The following NHSL2 variants were observed in gnomAD, a reference collection of about 807,000 sequenced individuals.
NHSL2 encodes the protein NHS-like protein 2.
A neutral mutation model predicts 53.4 loss-of-function variants in NHSL2; 27 were observed. The ratio of observed to expected loss-of-function variants is 0.51; its 90% CI spans 0.37 to 0.70. The LOEUF is 0.70. NHSL2 is among the 30% of genes least tolerant of loss of function. The pLI, the probability that NHSL2 is intolerant of heterozygous loss-of-function variation, is 0.00. For missense variants in NHSL2, 892 were observed against 980.1 expected (o/e 0.91, Z 1.20); for synonymous variants, 408 against 404.1 (o/e 1.01, Z -0.12).
chrX:71,917,255 C>CT, intron 1 of NHSL2, among the ~76,000 whole-genome samples: 1 of 64,791 alleles, frequency 1.5e-5, no homozygotes, highest in African/African-American at 6.3e-5. Context: ...TCCTCTCTCC[C>CT]TCCCCCCTCC....
intron 1 of NHSL2, among the ~76,000 whole-genome samples, chrX:72,101,874 C>T (rs1411161605): frequency 8.9e-6 from 1 of 111,842 alleles, no homozygotes. Context: ...TGTGGCCTCC[C>T]AAATCATGCC....
Position 72,134,635 on chromosome X carries a change from A to G in NHSL2, c.691A>G (p.Ile231Val), listed in dbSNP as rs762486583. ...CTGGAATAGCCTTTTCCCTCTGCCCATCCTAGAGGAGAAGCGGTGGCCTCA... is the reference window on the plus strand; with the variant it reads ...CTGGAATAGCCTTTTCCCTCTGCCCGTCCTAGAGGAGAAGCGGTGGCCTCA... ...TAWNSLFPLP[I>V]LEEKRWPQLC... The change falls in exon 4 of 8, where the codon ATC becomes GTC. Residue 231 changes from isoleucine (I) to valine (V), a missense_variant. Coordinates refer to ENST00000633930, the MANE Select transcript of NHSL2 (RefSeq NM_001013627.3). The G allele has an allele frequency of 8.6e-7, 1 of 1,167,106 alleles. No individual in the cohort carries two copies. Among genetic ancestry groups the G allele is most frequent in the South Asian group, 1.9e-5 (1 of 52,764 alleles).
chrX:71,976,612 T>C (rs2041949358), intron 1 of NHSL2, among the ~76,000 whole-genome samples: 1 of 111,916 alleles, frequency 8.9e-6, no homozygotes, highest in South Asian at 3.7e-4. Flanking sequence ...TCACTACCTC[T>C]ACACTTTCAT....
chrX:72,032,824 A>T (rs185236006), intron 1 of NHSL2, among the ~76,000 whole-genome samples: 2 of 112,231 alleles, frequency 1.8e-5, no homozygotes, highest in East Asian at 5.6e-4. Flanking sequence ...ACACCACTGC[A>T]CTCCAGCCTG....
intron 1 of NHSL2, among the ~76,000 whole-genome samples, chrX:71,971,985 A>C (rs539165649): frequency 8.9e-6 from 1 of 112,001 alleles, no homozygotes; most frequent in Admixed American, 9.4e-5. Flanking sequence ...TGTTTTCTGT[A>C]AGTGACAATG....
At chrX:71,983,611 T>TA (rs1428043379) in intron 1 of NHSL2, among the ~76,000 whole-genome samples, 20 of 103,100 alleles carry the variant, frequency 1.9e-4, no homozygotes, top group Non-Finnish European at 2.4e-4. Context: ...ACCCTGTCTC[T>TA]AAAAAAAAAA....
chrX:72,145,960 C>T lies in NHSL2; in HGVS notation c.*2386C>T, dbSNP rs1204171621. The T allele has an allele frequency of 8.8e-6, 1 of 113,082 alleles. No homozygotes were observed. Among genetic ancestry groups the T allele is most frequent in the Non-Finnish European group, 1.9e-5 (1 of 53,423 alleles). The allele number at this position is 113,082 out of a possible 1,213,427, so 9.3% of individuals were successfully genotyped here. On this transcript the variant is annotated 3_prime_UTR_variant, in exon 8 of 8. Coordinates refer to ENST00000633930, the MANE Select transcript of NHSL2 (RefSeq NM_001013627.3). ...GGAATTTTTAGAATATCTTCTACAT[C>T]ATCACTGTGGCCCACGCAGTGGTGT...
chrX:72,090,772 AGTGTGTGTGTGTGTGT>A (rs372070874), intron 1 of NHSL2, among the ~76,000 whole-genome samples: 6 of 94,026 alleles, frequency 6.4e-5, no homozygotes, highest in Non-Finnish European at 8.6e-5. Context: ...AGTGTATGTG[AGTGTGTGTGTGTGTGT>A]GTGTGTGTGT....
chrX:72,031,916 A>T (rs1474009396), intron 1 of NHSL2, among the ~76,000 whole-genome samples: 1 of 111,703 alleles, frequency 9.0e-6, no homozygotes, highest in Non-Finnish European at 1.9e-5. Flanking sequence ...CATCTTACAC[A>T]ACTGGGAAAG....
In NHSL2 at chrX:72,150,988, C is replaced by T. The variant is rs1020376074; in HGVS notation, c.*7414C>T. The T allele has an allele frequency of 3.6e-5, 4 of 110,233 alleles. No individual in the cohort carries two copies. Among genetic ancestry groups the T allele is most frequent in the Admixed American group, 9.6e-5 (1 of 10,400 alleles). The allele number at this position is 110,233 out of a possible 1,213,427, so 9.1% of individuals were successfully genotyped here. On this transcript the variant is annotated 3_prime_UTR_variant, in exon 8 of 8. Coordinates refer to ENST00000633930, the MANE Select transcript of NHSL2 (RefSeq NM_001013627.3). ...TCTTTGTTGTTGCTGTTTGTTCATTCGTTTGTTTTGCAACCTTTGGATAAT... is the reference window on the plus strand; with the variant it reads ...TCTTTGTTGTTGCTGTTTGTTCATTTGTTTGTTTTGCAACCTTTGGATAAT...
chrX:72,054,374 T>C (rs749132563), intron 1 of NHSL2, among the ~76,000 whole-genome samples: 6 of 111,905 alleles, frequency 5.4e-5, no homozygotes, highest in Non-Finnish European at 9.4e-5. Flanking sequence ...TGGGCCACTT[T>C]AGCTGTTGTC....
intron 1 of NHSL2, among the ~76,000 whole-genome samples, chrX:72,008,712 T>G (rs1398668740): frequency 1.8e-5 from 2 of 112,419 alleles, no homozygotes; most frequent in Admixed American, 9.4e-5. Context: ...TTGCTCGTCT[T>G]GAGTTTGGCC....
chrX:72,084,892 A>G (rs1318445407), intron 1 of NHSL2, among the ~76,000 whole-genome samples: 1 of 111,823 alleles, frequency 8.9e-6, no homozygotes, highest in African/African-American at 3.3e-5. Context: ...CCGGGCTTAC[A>G]GGCAAGGAGG....
intron 6 of NHSL2, 110 bp downstream of exon 6, chrX:72,140,881 G>C: frequency 1.5e-6 from 1 of 659,789 alleles, no homozygotes; most frequent in Non-Finnish European, 2.3e-6. Context: ...CTGATCCCAA[G>C]TCAGTAGCGG....
chrX:72,129,445 G>T (rs895069572), intron 1 of NHSL2: 3 of 157,457 alleles, frequency 1.9e-5, no homozygotes, highest in Non-Finnish European at 3.7e-5. Context: ...GTCAGTCAGA[G>T]AATAAAACTG....
At chrX:72,064,515 A>G (rs2042416482) in intron 1 of NHSL2, among the ~76,000 whole-genome samples, 1 of 111,913 alleles carries the variant, frequency 8.9e-6, no homozygotes, top group Admixed American at 9.4e-5. Context: ...GAGGAGTAAG[A>G]GCATGACTAA....
chrX:71,969,319 CT>C (rs760980869), intron 1 of NHSL2, among the ~76,000 whole-genome samples: 27 of 60,880 alleles, frequency 4.4e-4, no homozygotes, highest in East Asian at 1.1e-3. Context: ...TTTTTTTTTT[CT>C]TTTTTTTTTT....
At chrX:72,101,828 C>G (rs1177934191) in intron 1 of NHSL2, among the ~76,000 whole-genome samples, 1 of 111,830 alleles carries the variant, frequency 8.9e-6, no homozygotes, top group African/African-American at 3.3e-5. Context: ...AAGCACCAGG[C>G]AACAGCCCAG....
intron 1 of NHSL2, among the ~76,000 whole-genome samples, chrX:71,926,057 G>A (rs1481256009): frequency 8.9e-6 from 1 of 111,796 alleles, no homozygotes; most frequent in Non-Finnish European, 1.9e-5. Context: ...TAAAAAAAGA[G>A]TTAAAATGTC....
Sources: allele counts gnomAD v4.1 joint callset (sites outside exome capture counted in the v4.1 genomes callset), GRCh38; gene constraint gnomAD v4.1.1; transcripts MANE v1.5; gene names NCBI Gene and HGNC (gene_info 2026-07-23, HGNC 2026-07-21).